Variants in ZNF782 observed in about 807,000 individuals in gnomAD.
The protein encoded by ZNF782 is zinc finger protein 782.
A neutral mutation model predicts 13.0 loss-of-function variants in ZNF782; 12 were observed. The ratio of observed to expected loss-of-function variants is 0.92; its 90% confidence interval spans 0.59 to 1.50. The LOEUF (loss-of-function observed/expected upper bound fraction) is 1.50. Among genes scored for constraint, ZNF782 ranks in the 40% most tolerant of loss-of-function variants. The pLI, the probability that ZNF782 is intolerant of heterozygous loss-of-function variation, is 0.00. For synonymous variants in ZNF782, 284 were observed against 283.0 expected, an observed-to-expected ratio of 1.00 and a Z score of -0.04; for missense variants, 770 against 822.9, an observed-to-expected ratio of 0.94 and a Z score of 0.79.
the ZNF782 span, among the ~76,000 whole-genome samples, chr9:96,917,887 CGTGTGTGTGT>C: frequency 3.4e-4 from 41 of 121,716 alleles, no homozygotes; most frequent in East Asian, 2.9e-3. Context: ...CCACCCTTGG[CGTGTGTGTGT>C]GTGTGTGTGT....
chr9:96,897,615 T>C, the ZNF782 span, among the ~76,000 whole-genome samples: 1 of 151,246 alleles, frequency 6.6e-6, no homozygotes, highest in South Asian at 2.1e-4. Context: ...GTAACGTGTC[T>C]AGCCCCATCT....
chr9:96,851,882 A>T lies in ZNF782; in HGVS notation c.15+65T>A, dbSNP rs1275574363. ...CTATTTCTCCTTTTCCATTTAATGC[A>T]AGGGCCTATCTAAACCTCATAAAAT... On this transcript the variant is annotated intron_variant, in intron 3 of 5. Transcript: ENST00000481138. The T allele has an allele frequency of 3.5e-6, 5 of 1,437,226 alleles. No individual in the cohort carries two copies. The East Asian group carries it at 1.1e-4, about 33-fold the overall frequency. 89.0% of individuals were successfully genotyped at this position (1,437,226 alleles called of 1,614,324 possible).
At chr9:96,883,485 G>T in the ZNF782 span, among the ~76,000 whole-genome samples, 1 of 152,026 alleles carries the variant, frequency 6.6e-6, no homozygotes, top group Non-Finnish European at 1.5e-5. Context: ...AATCAAGCAG[G>T]ATAGGGACAA....
the ZNF782 span, among the ~76,000 whole-genome samples, chr9:96,933,268 G>A: frequency 1.3e-5 from 2 of 151,390 alleles, no homozygotes; most frequent in South Asian, 2.1e-4. Context: ...ATGACCCACC[G>A]TGCCCGGCTT....
chr9:96,910,632 TTTTTTTC>T, the ZNF782 span, among the ~76,000 whole-genome samples: 5 of 149,986 alleles, frequency 3.3e-5, no homozygotes, highest in East Asian at 3.9e-4. Context: ...AAGGCCCTGC[TTTTTTTC>T]TTTTTTCTTT....
At chr9:96,891,071 T>G in the ZNF782 span, 1 of 152,150 alleles carries the variant, frequency 6.6e-6, no homozygotes, top group Non-Finnish European at 1.5e-5. Flanking sequence ...GTACCTAGAA[T>G]TGGCAAATTC....
chr9:96,834,663 C>T (rs1299608905), intron 4 of ZNF782, among the ~76,000 whole-genome samples: 1 of 152,188 alleles, frequency 6.6e-6, no homozygotes, highest in Non-Finnish European at 1.5e-5. Context: ...TTGGGACTTC[C>T]CAGCCACCAG....
chr9:96,933,070 C>G, the ZNF782 span, among the ~76,000 whole-genome samples: 1 of 150,586 alleles, frequency 6.6e-6, no homozygotes, highest in Non-Finnish European at 1.5e-5. Context: ...CTCTACCTCC[C>G]AGGTTCACGT....
At chr9:96,899,658 C>T in the ZNF782 span, among the ~76,000 whole-genome samples, 3 of 152,202 alleles carry the variant, frequency 2.0e-5, no homozygotes, top group East Asian at 5.8e-4. Flanking sequence ...GGCCTGGTTG[C>T]CTTGACTGCT....
chr9:96,820,178 G>A (rs1850362318), intron 5 of ZNF782, among the ~76,000 whole-genome samples: 1 of 152,094 alleles, frequency 6.6e-6, no homozygotes, highest in African/African-American at 2.4e-5. Flanking sequence ...AAAAATCAAT[G>A]GATTAGTGGT....
chr9:96,827,341 T>C (rs1039278029), intron 4 of ZNF782, among the ~76,000 whole-genome samples, 160 bp from the exon 5 acceptor site: 2 of 152,020 alleles, frequency 1.3e-5, no homozygotes, highest in Non-Finnish European at 2.9e-5. Context: ...TTTCTTACTT[T>C]TTTTTTTAGA....
the ZNF782 span, among the ~76,000 whole-genome samples, chr9:96,882,120 ATTT>A: frequency 6.6e-6 from 1 of 152,044 alleles, no homozygotes; most frequent in Non-Finnish European, 1.5e-5. Context: ...ACTATTTAAT[ATTT>A]ATATAGATTG....
At chr9:96,875,637 T>TA (rs1171717745), upstream of ZNF782, 7 of 455,088 alleles carry the variant, frequency 1.5e-5, no homozygotes, top group African/African-American at 1.2e-4. Context: ...CACCTGTTCC[T>TA]AAAGGGGGCG....
At chr9:96,821,003 T>TA (rs1260013225) in intron 5 of ZNF782, among the ~76,000 whole-genome samples, 3 of 152,254 alleles carry the variant, frequency 2.0e-5, no homozygotes, top group African/African-American at 7.2e-5. Flanking sequence ...ATGTGAACCT[T>TA]ACGGATCATA....
the ZNF782 span, chr9:96,931,811 G>A: frequency 6.4e-5 from 103 of 1,611,850 alleles, 3 homozygotes; most frequent in African/African-American, 1.1e-3. Context: ...ACCCTCTCCC[G>A]GCCCAACACA....
At chr9:96,929,352 T>C in the ZNF782 span, among the ~76,000 whole-genome samples, 2 of 151,898 alleles carry the variant, frequency 1.3e-5, no homozygotes, top group Admixed American at 6.6e-5. Context: ...GGGATCGTGT[T>C]GTGCTGGTGG....
the ZNF782 span, among the ~76,000 whole-genome samples, chr9:96,883,129 G>C: frequency 2.0e-5 from 3 of 152,220 alleles, no homozygotes; most frequent in Admixed American, 1.3e-4. Context: ...AAAGCAGCTA[G>C]ACATCGAAAC....
At chr9:96,860,378 G>A (rs1851689748) in exon 3 of ZNF782, 1 of 152,314 alleles carries the variant, frequency 6.6e-6, no homozygotes, top group African/African-American at 2.4e-5. Flanking sequence ...GGTGGCTACA[G>A]GGGTGTTGTA....
intron 1 of ZNF782, among the ~76,000 whole-genome samples, chr9:96,868,540 T>A (rs1312199751): frequency 2.6e-5 from 4 of 152,232 alleles, no homozygotes; most frequent in Non-Finnish European, 5.9e-5. Context: ...TTCAAAGAAA[T>A]GAAAAAGCTG....
Sources: gnomAD v4.1 joint callset for allele counts (sites outside exome capture counted in the v4.1 genomes callset) on GRCh38, gnomAD v4.1.1 for gene constraint, MANE v1.5 for transcripts, NCBI Gene and HGNC (gene_info 2026-07-23, HGNC 2026-07-21) for gene names.